Variants in EPB41L1 observed in about 807,000 individuals in gnomAD.
EPB41L1 encodes the protein erythrocyte membrane protein band 4.1 like 1, also known as band 4.1-like protein 1.
A neutral mutation model predicts 97.8 loss-of-function variants in EPB41L1; 29 were observed. The ratio of observed to expected loss-of-function variants is 0.30; its 90% CI spans 0.22 to 0.40. EPB41L1 has a LOEUF of 0.40. EPB41L1 is among the 10% of genes least tolerant of loss of function. The pLI is 1.00. For synonymous variants in EPB41L1, 383 were observed against 459.2 expected (o/e 0.83, Z 2.12); for missense variants, 812 against 1,162.3 (o/e 0.70, Z 4.38).
rs533407742 is a variant in EPB41L1, at chr20:36,202,592, G to A, written c.1668+4551G>A. ...GTGGATCACCTGAGGTCAGGAGTTC[G>A]AGACCAGCCTGGCCAAAATGGTGAA... is the stretch of plus-strand genomic sequence containing the variant. On this transcript the variant is annotated intron_variant, in intron 14 of 21. Coordinates refer to ENST00000338074, the MANE Select transcript of EPB41L1 (RefSeq NM_012156.2). Among the ~76,000 whole-genome samples, 252 of 151,946 alleles carry A rather than the reference G, an allele frequency of 1.7e-3. 1 individual carries two copies. Among genetic ancestry groups the A allele is most frequent in the African/African-American group, 5.8e-3 (242 of 41,432 alleles).
At chr20:36,204,229 C>T (rs749870542) in intron 14 of EPB41L1, among the ~76,000 whole-genome samples, 1 of 152,138 alleles carries the variant, frequency 6.6e-6, no homozygotes, top group Non-Finnish European at 1.5e-5. Flanking sequence ...GGAGGTACCT[C>T]AGGGCATTAA....
At chr20:36,174,379 T>C (rs2061133664) in intron 2 of EPB41L1, among the ~76,000 whole-genome samples, 1 of 150,858 alleles carries the variant, frequency 6.6e-6, no homozygotes, top group Non-Finnish European at 1.5e-5. Context: ...TTCAAGCAAT[T>C]CTCCTGCCTC....
At chr20:36,117,660 C>A (rs1690581358) in intron 2 of EPB41L1, among the ~76,000 whole-genome samples, 1 of 117,130 alleles carries the variant, frequency 8.5e-6, no homozygotes. Context: ...TCCAAGGTTA[C>A]ACAGACAGAG....
intron 1 of EPB41L1, among the ~76,000 whole-genome samples, chr20:36,103,664 T>C (rs746564387): frequency 9.2e-5 from 14 of 152,090 alleles, no homozygotes; most frequent in Non-Finnish European, 1.3e-4. Context: ...TGAGTTATTA[T>C]TTTTTGGTTA....
rs569899976 is a variant in EPB41L1, at chr20:36,124,023, C to T, written c.-10+11543C>T. 1.1e-4 allele frequency among the ~76,000 whole-genome samples: 16 copies of T among 152,112 alleles called. 3 individuals carry two copies. The highest frequency in any genetic ancestry group is 4.1e-4 in the South Asian group (2 of 4,826). ...CAACACTTTGGGAGTCTGAGGTGGG[C>T]GGATCACGAAGTCAGGAGATCGAGA... On this transcript the variant is annotated intron_variant, in intron 2 of 19. Coordinates refer to the EPB41L1 transcript ENST00000202028.
intron 3 of EPB41L1, 104 bp downstream of exon 3, chr20:36,175,819 T>C: frequency 8.1e-7 from 1 of 1,236,186 alleles, no homozygotes; most frequent in Non-Finnish European, 1.2e-6. Flanking sequence ...AGAGGAGTCC[T>C]GGACCAGTCA....
In EPB41L1 at chr20:36,197,909, T is replaced by C. The variant is rs769464086; in HGVS notation, c.1536T>C (p.Asn512=). The C allele has an allele frequency of 8.1e-6, 13 of 1,614,144 alleles. No homozygotes were observed. Among genetic ancestry groups the C allele is most frequent in the Non-Finnish European group, 1.1e-5 (13 of 1,180,028 alleles). Residue 512 remains asparagine, a synonymous_variant, in exon 14 of 22, where the codon AAT becomes AAC. Transcript: ENST00000338074. ...TGCTGAAGCACCAGGCCAGCATCAA[T>C]GAGCTCAAAAGGACCCTGAAGGAGC... The part of the protein sequence containing the change: ...DVLLKHQASI[N]ELKRTLKEPN...
At chr20:36,168,338 G>C (rs1413538132) in intron 1 of EPB41L1, among the ~76,000 whole-genome samples, 1 of 152,106 alleles carries the variant, frequency 6.6e-6, no homozygotes, top group Non-Finnish European at 1.5e-5. Flanking sequence ...TGTGCATTAG[G>C]CCTTTCATAT....
chr20:36,187,760 C>A lies in EPB41L1; in HGVS notation c.870C>A (p.Ala290=). 2 of 1,613,582 alleles carry A rather than the reference C, an allele frequency of 1.2e-6. No homozygotes were observed. The highest frequency in any genetic ancestry group is 2.2e-5 in the South Asian group (2 of 90,948). The change falls in exon 8 of 22, where the codon GCC becomes GCA. Residue 290 remains alanine, a synonymous_variant. Transcript: ENST00000338074. ...LSMYGVDLHH[A]KDSEGIDIML... is the part of the protein sequence containing the mutation. The stretch of plus-strand genomic sequence containing the variant: ...TGTACGGAGTAGACCTGCACCATGC[C>A]AAGGTACCACCAGCTTCCTGGGTTC...
intron 20 of EPB41L1, 119 bp downstream of exon 20, chr20:36,222,063 C>A: frequency 8.5e-7 from 1 of 1,179,386 alleles, no homozygotes; most frequent in Non-Finnish European, 1.3e-6. Flanking sequence ...TCTTGCTGAC[C>A]CTGTTCAGAT....
At chr20:36,155,228 C>G in intron 1 of EPB41L1, 2 of 453,752 alleles carry the variant, frequency 4.4e-6, no homozygotes, top group Non-Finnish European at 8.8e-6. Context: ...AGGCCAAGGG[C>G]TCTTTGGATT....
At position 36,219,763 on chromosome 20, in the gene EPB41L1, C is replaced by G. The variant is rs981904005; in HGVS notation, c.2358C>G (p.Ile786Met). Residue 786 changes from isoleucine (I) to methionine (M), a missense_variant and splice_region_variant, in exon 19 of 22, where the codon ATC becomes ATG. Ile to Met is a conservative substitution (Grantham distance 10). Transcript: ENST00000338074. The part of the protein sequence containing the change: ...VATEIRSLSP[I>M]IGKDVLTSTY... ...TGGGGGGTGGTTATATTCTGCAGATCATCGGGAAAGATGTCCTCACCAGCA... is the reference window on the plus strand; with the variant it reads ...TGGGGGGTGGTTATATTCTGCAGATGATCGGGAAAGATGTCCTCACCAGCA... The G allele has an allele frequency of 4.3e-6, 7 of 1,614,032 alleles. No homozygotes were observed. The highest frequency in any genetic ancestry group is 5.9e-6 in the Non-Finnish European group (7 of 1,179,954).
rs376315802 is a variant in EPB41L1, at chr20:36,225,612, G to A, written c.2637+3218G>A. On this transcript the variant is annotated intron_variant, in intron 21 of 21. Transcript: ENST00000338074. ...TCCGTTTCTTCCCGCTTGAGGACTCGGTTTCCTCACTTGCAAAATGAAGAG... is the reference window on the plus strand; with the variant it reads ...TCCGTTTCTTCCCGCTTGAGGACTCAGTTTCCTCACTTGCAAAATGAAGAG... Among the ~76,000 whole-genome samples the A allele has an allele frequency of 4.5e-4, 69 of 152,240 alleles. No homozygotes were observed. In the East Asian group the frequency reaches 0.012, roughly 26 times the overall value.
At chr20:36,099,330 A>C (rs1314705501) in intron 1 of EPB41L1, among the ~76,000 whole-genome samples, 1 of 152,148 alleles carries the variant, frequency 6.6e-6, no homozygotes, top group East Asian at 1.9e-4. Flanking sequence ...CCTTCTCTGC[A>C]CTTAGGAGCT....
intron 1 of EPB41L1, among the ~76,000 whole-genome samples, chr20:36,171,662 G>A (rs901194034): frequency 6.6e-6 from 1 of 152,206 alleles, no homozygotes; most frequent in Non-Finnish European, 1.5e-5. Flanking sequence ...TTTCTATCCA[G>A]TGCTCTTGGC....
chr20:36,132,567 CGGG>C (rs71184088), intron 2 of EPB41L1, among the ~76,000 whole-genome samples: 3 of 41,232 alleles, frequency 7.3e-5, no homozygotes, highest in African/African-American at 1.5e-4. Flanking sequence ...TCTTTGTGGG[CGGG>C]GGGGGGGGGC....
rs2060253143 is a variant in EPB41L1 at position 36,155,419 on chromosome 20, T to C, written c.-15+523T>C. Reference sequence around the variant, plus strand: ...GGAGGGATCTTAGCCCTAGGACTTCTGCAGTTCTGGCCTGGCATTGTCCTG... The same window carrying C: ...GGAGGGATCTTAGCCCTAGGACTTCCGCAGTTCTGGCCTGGCATTGTCCTG... On this transcript the variant is annotated intron_variant, in intron 1 of 21. Coordinates refer to ENST00000338074, the MANE Select transcript of EPB41L1 (RefSeq NM_012156.2). Among the ~76,000 whole-genome samples, 4 of 152,150 alleles carry C rather than the reference T, an allele frequency of 2.6e-5. No individual in the cohort carries two copies. In the South Asian group the frequency reaches 8.3e-4, roughly 32 times the overall value.
chr20:36,137,076 CTT>C (rs35231525), intron 2 of EPB41L1, among the ~76,000 whole-genome samples: 51 of 132,800 alleles, frequency 3.8e-4, no homozygotes, highest in Admixed American at 6.1e-4. Context: ...CTTTCCTTTC[CTT>C]TTTTTTTTTT....
rs1052857637 is a variant in EPB41L1 at position 36,123,114 on chromosome 20, T to C, written c.-10+10634T>C. On this transcript the variant is annotated intron_variant, in intron 2 of 19. Transcript: ENST00000202028. ...GCTTTCTCTAGGCCCCCTCCCATGC[T>C]CCACTTACCCTGAGACCATAATTGA... Among the ~76,000 whole-genome samples, 8 of 151,892 alleles carry C rather than the reference T, an allele frequency of 5.3e-5. No individual in the cohort carries two copies. In the East Asian group the frequency reaches 1.4e-3, roughly 26 times the overall value.
Sources: gnomAD v4.1 joint callset for allele counts (sites outside exome capture counted in the v4.1 genomes callset) on GRCh38, gnomAD v4.1.1 for gene constraint, MANE v1.5 for transcripts, NCBI Gene and HGNC (gene_info 2026-07-23, HGNC 2026-07-21) for gene names.